Variants in GSN observed in about 807,000 individuals in gnomAD.
The protein encoded by GSN is actin-depolymerizing factor.
Under a neutral mutation model 85.7 loss-of-function variants are expected in GSN, and 56 were observed. The ratio of observed to expected loss-of-function variants is 0.65; its 90% confidence interval spans 0.53 to 0.82. The LOEUF (loss-of-function observed/expected upper bound fraction) is 0.82, where lower values mean the gene tolerates loss of function less well. GSN is among the 40% of genes least tolerant of loss of function. The pLI is 0.00. For missense variants in GSN, 857 were observed against 979.8 expected, an observed-to-expected ratio of 0.87 and a Z score of 1.67; for synonymous variants, 373 against 399.1, an observed-to-expected ratio of 0.93 and a Z score of 0.78.
upstream of GSN, among the ~76,000 whole-genome samples, chr9:121,206,205 A>G (rs2053878813): frequency 6.6e-6 from 1 of 152,224 alleles, no homozygotes; most frequent in South Asian, 2.1e-4. Context: ...TTCCAGTGAT[A>G]CATAATTTAA....
intron 14 of GSN, among the ~76,000 whole-genome samples, chr9:121,328,177 G>A (rs189193692): frequency 3.9e-5 from 6 of 152,284 alleles, no homozygotes; most frequent in Admixed American, 6.5e-5. Context: ...AATGTGGGCC[G>A]GGCAGCTCTT....
upstream of GSN, among the ~76,000 whole-genome samples, chr9:121,267,438 CTT>C (rs2055268210): frequency 6.6e-6 from 1 of 152,202 alleles, no homozygotes; most frequent in Admixed American, 6.5e-5. Flanking sequence ...TGCTGAGAGT[CTT>C]TTTCTCACTG....
chr9:121,270,124 G>A (rs1193017364), intron 1 of GSN, among the ~76,000 whole-genome samples: 1 of 152,186 alleles, frequency 6.6e-6, no homozygotes, highest in African/African-American at 2.4e-5. Context: ...AAGACATTCT[G>A]GGAAGCAGGA....
chr9:121,226,482 G>C (rs1318819863), intron 4 of GSN, among the ~76,000 whole-genome samples: 1 of 152,116 alleles, frequency 6.6e-6, no homozygotes, highest in Non-Finnish European at 1.5e-5. Context: ...ATGGATGGGG[G>C]AATTTGTGTT....
chr9:121,229,648 G>C (rs2054348547), intron 4 of GSN, among the ~76,000 whole-genome samples: 1 of 152,200 alleles, frequency 6.6e-6, no homozygotes, highest in African/African-American at 2.4e-5. Flanking sequence ...TGTCTTTCCA[G>C]GGTGTCACAC....
intron 5 of GSN, 34 bp downstream of exon 5, chr9:121,310,879 TG>T (rs762675208): frequency 1.2e-6 from 2 of 1,608,632 alleles, no homozygotes; most frequent in Non-Finnish European, 1.7e-6. Context: ...CAGGAGCCAC[TG>T]AGGTGCTCCT....
At position 121,318,412 on chromosome 9, in the gene GSN, A is replaced by T; in HGVS notation, c.893A>T (p.Gln298Leu). ...DGKIFVWKGK[Q>L]ANTEERKAAL... Reference sequence around the variant, plus strand: ...TTCCTCTGGCTGCCAACAGGCAAGCAGGCAAACACGGAGGAGAGGAAGGCT... The same window carrying T: ...TTCCTCTGGCTGCCAACAGGCAAGCTGGCAAACACGGAGGAGAGGAAGGCT... Residue 298 changes from glutamine to leucine, a missense_variant, in exon 9 of 18, where the codon CAG becomes CTG. Coordinates refer to ENST00000432226, the MANE Select transcript of GSN (RefSeq NM_198252.3). The surrounding 1 kb of genome is among the most constrained non-coding windows in gnomAD (Gnocchi z 4.3). 2 of 1,613,712 alleles carry T rather than the reference A, an allele frequency of 1.2e-6. No homozygotes were observed. The highest frequency in any genetic ancestry group is 1.7e-6 in the Non-Finnish European group (2 of 1,179,592).
At chr9:121,210,341 G>A (rs2053949395) in intron 3 of GSN, 1 of 152,204 alleles carries the variant, frequency 6.6e-6, no homozygotes, top group Non-Finnish European at 1.5e-5. Flanking sequence ...TGAGTGACGT[G>A]CTAAGTCTTC....
intron 2 of GSN, among the ~76,000 whole-genome samples, chr9:121,297,502 T>C (rs550003814): frequency 2.1e-4 from 32 of 152,334 alleles, no homozygotes; most frequent in African/African-American, 7.2e-4. Context: ...TTCTCCTCCT[T>C]CTTCCCTTTC....
chr9:121,230,018 G>C (rs995571503), intron 4 of GSN, among the ~76,000 whole-genome samples: 5 of 152,078 alleles, frequency 3.3e-5, no homozygotes, highest in African/African-American at 9.7e-5. Context: ...TCAATGTGTA[G>C]AAATCCTTTG....
intron 1 of GSN, among the ~76,000 whole-genome samples, chr9:121,272,341 C>T (rs575895789): frequency 6.6e-6 from 1 of 152,330 alleles, no homozygotes; most frequent in East Asian, 1.9e-4. Context: ...TGGGTCCTGG[C>T]TTTGCCAGTG....
intron 6 of GSN, chr9:121,313,630 A>G: frequency 2.2e-6 from 1 of 450,756 alleles, no homozygotes; most frequent in Non-Finnish European, 4.1e-6. Flanking sequence ...TAGGCGGTAG[A>G]AGGTGTTCAG....
rs1199240187 is a variant in GSN at position 121,261,153 on chromosome 9, G to C, written c.-340-4001G>C. Among the ~76,000 whole-genome samples, 1 of 152,254 alleles carries C rather than the reference G, an allele frequency of 6.6e-6. No homozygotes were observed. Among genetic ancestry groups the C allele is most frequent in the East Asian group, 1.9e-4 (1 of 5,196 alleles). On this transcript the variant is annotated intron_variant, in intron 6 of 24. Transcript: ENST00000373823. This position sits in a 1 kb window ranked among gnomAD's most constrained non-coding sequence, Gnocchi z 4.1. Reference sequence around the variant, plus strand: ...CCCCCTCCCATCCCACTGGTGGCCTGCGGGGACAGCTGAATGCCTTCTGGT... The same window carrying C: ...CCCCCTCCCATCCCACTGGTGGCCTCCGGGGACAGCTGAATGCCTTCTGGT...
rs2055095660 is a variant in GSN at position 121,261,982 on chromosome 9, G to A, written c.-340-3172G>A. 6.6e-6 allele frequency among the ~76,000 whole-genome samples: 1 copy of A among 152,162 alleles called. No homozygotes were observed. The highest frequency in any genetic ancestry group is 2.4e-5 in the African/African-American group (1 of 41,426). ...TCCAAGATTTTTTTGGTGTGGGTGTGTTTAAGGGATTTTATGAATTACTTT... is the reference window on the plus strand; with the variant it reads ...TCCAAGATTTTTTTGGTGTGGGTGTATTTAAGGGATTTTATGAATTACTTT... On this transcript the variant is annotated intron_variant, in intron 6 of 24. Coordinates refer to the GSN transcript ENST00000373823. This position sits in a 1 kb window ranked among gnomAD's most constrained non-coding sequence, Gnocchi z 4.1.
intron 5 of GSN, 25 bp from the exon 6 acceptor site, chr9:121,312,314 G>T: frequency 6.2e-7 from 1 of 1,613,778 alleles, no homozygotes; most frequent in South Asian, 1.1e-5. Context: ...GCGGGGCACT[G>T]ACTTCCTGGG....
rs762432847 is a variant in GSN, at chr9:121,299,894, TTGCGCGCTGTCCCTGGCGCTG to T, written c.-9-2057_-9-2037del. The T allele has an allele frequency of 8.6e-5, 113 of 1,318,256 alleles. No individual in the cohort carries two copies. The South Asian group carries it at 1.8e-3, about 21-fold the overall frequency. The allele number at this position is 1,318,256 out of a possible 1,614,324, so 81.7% of individuals were successfully genotyped here. On this transcript the variant is annotated intron_variant, in intron 2 of 17. Transcript: ENST00000432226. The surrounding 1 kb of genome is among the most constrained non-coding windows in gnomAD (Gnocchi z 4.2). ...CGCACCGCCCCGCGCCCGCGCTGCTTTGCGCGCTGTCCCTGGCGCTGTGCGCGCTGTCGCTGCCCGTCCGCG... is the reference window on the plus strand; with the variant it reads ...CGCACCGCCCCGCGCCCGCGCTGCTTTGCGCGCTGTCGCTGCCCGTCCGCG...
chr9:121,299,442 T>A lies in GSN; in HGVS notation c.-9-2521T>A. ...GTAAAATGGGTTGGCCGTTGTACCCTCTCTGAAAAGGATGTGCTGATGCCT... is the reference window on the plus strand; with the variant it reads ...GTAAAATGGGTTGGCCGTTGTACCCACTCTGAAAAGGATGTGCTGATGCCT... On this transcript the variant is annotated intron_variant, in intron 2 of 17. Transcript: ENST00000432226. This position sits in a 1 kb window ranked among gnomAD's most constrained non-coding sequence, Gnocchi z 4.2. The A allele has an allele frequency of 1.0e-6, 1 of 984,876 alleles. No individual in the cohort carries two copies. Among genetic ancestry groups the A allele is most frequent in the Non-Finnish European group, 1.2e-6 (1 of 829,412 alleles). 61.0% of individuals were successfully genotyped at this position (984,876 alleles called of 1,614,324 possible).
intron 4 of GSN, chr9:121,308,978 G>C (rs1354951037): frequency 1.3e-5 from 2 of 152,324 alleles, no homozygotes; most frequent in Non-Finnish European, 2.9e-5. Context: ...AGCACAGTGG[G>C]CTGAGGGGCC....
intron 2 of GSN, among the ~76,000 whole-genome samples, chr9:121,289,557 C>T (rs145651145): frequency 1.5e-3 from 223 of 152,256 alleles, no homozygotes; most frequent in Middle Eastern, 0.01. Flanking sequence ...GTTGGATGTG[C>T]GGAAGAGGAG....
Sources: gnomAD v4.1 joint callset for allele counts (sites outside exome capture counted in the v4.1 genomes callset) on GRCh38, gnomAD v4.1.1 for gene constraint, Gnocchi (gnomAD v3.1) non-coding constraint, MANE v1.5 for transcripts, NCBI Gene and HGNC (gene_info 2026-07-23, HGNC 2026-07-21) for gene names.